Variants in SUMF1 observed in about 807,000 individuals in gnomAD.
The protein encoded by SUMF1 is sulfatase modifying factor 1.
SUMF1 carries 48 observed loss-of-function variants against 47.6 expected under a neutral mutation model. The observed-to-expected ratio is 1.01, with a 90% CI of 0.80 to 1.28. SUMF1 has a LOEUF of 1.28. SUMF1 is among the 50% of genes most tolerant of loss of function. SUMF1 has a pLI of 0.00. For missense variants in SUMF1, 571 were observed against 485.4 expected, an observed-to-expected ratio of 1.18 and a Z score of -1.66; for synonymous variants, 230 against 192.1, an observed-to-expected ratio of 1.20 and a Z score of -1.63.
At chr3:4,404,169 G>A (rs922128140) in intron 7 of SUMF1, among the ~76,000 whole-genome samples, 2 of 152,150 alleles carry the variant, frequency 1.3e-5, no homozygotes, top group African/African-American at 4.8e-5. Context: ...GAAGAACCTT[G>A]CAACTGATCC....
At chr3:4,411,428 G>A (rs1701538572) in intron 6 of SUMF1, among the ~76,000 whole-genome samples, 1 of 152,124 alleles carries the variant, frequency 6.6e-6, no homozygotes, top group Non-Finnish European at 1.5e-5. Flanking sequence ...AAGTCAGTTA[G>A]CTCTGTCCTC....
chr3:4,453,439 C>T (rs972593867), intron 1 of SUMF1, among the ~76,000 whole-genome samples: 5 of 151,936 alleles, frequency 3.3e-5, no homozygotes, highest in Admixed American at 1.3e-4. Flanking sequence ...ATGATCAGGG[C>T]TCACTACAGC....
intron 8 of SUMF1, among the ~76,000 whole-genome samples, chr3:4,109,327 A>C (rs1235196767): frequency 6.6e-6 from 1 of 152,072 alleles, no homozygotes; most frequent in Admixed American, 6.6e-5. Context: ...TTTGTGGGTA[A>C]CCCGACCTTT....
intron 8 of SUMF1, among the ~76,000 whole-genome samples, chr3:4,286,281 T>G (rs1313327358): frequency 3.3e-5 from 5 of 152,072 alleles, no homozygotes; most frequent in African/African-American, 1.2e-4. Flanking sequence ...TAGGGCAAGT[T>G]TCTTATTGTT....
intron 8 of SUMF1, among the ~76,000 whole-genome samples, chr3:4,178,375 G>C (rs1574954564): frequency 6.6e-6 from 1 of 152,328 alleles, no homozygotes; most frequent in East Asian, 1.9e-4. Flanking sequence ...TGGGATGCAA[G>C]TCTGGTTCAA....
intron 8 of SUMF1, among the ~76,000 whole-genome samples, chr3:4,196,553 A>G (rs1477333788): frequency 6.6e-6 from 1 of 152,076 alleles, no homozygotes; most frequent in Non-Finnish European, 1.5e-5. Context: ...AGGCCTCCTT[A>G]TCAGAGGCCT....
chr3:4,313,202 G>C, intron 8 of SUMF1: 2 of 1,613,914 alleles, frequency 1.2e-6, no homozygotes, highest in East Asian at 2.2e-5. Context: ...TGGGGACTTC[G>C]TACCTTGGAA....
At chr3:4,208,434 C>T (rs950790121) in intron 8 of SUMF1, among the ~76,000 whole-genome samples, 1 of 141,972 alleles carries the variant, frequency 7.0e-6, no homozygotes, top group Non-Finnish European at 1.5e-5. Flanking sequence ...TCATGTCAAC[C>T]TTTCTACAGA....
intron 8 of SUMF1, among the ~76,000 whole-genome samples, chr3:4,278,844 T>G (rs2125043776): frequency 6.6e-6 from 1 of 152,246 alleles, no homozygotes; most frequent in Non-Finnish European, 1.5e-5. Context: ...AATAAAAACT[T>G]CTAAAAATAA....
chr3:4,368,925 T>C (rs1460247304), intron 8 of SUMF1, among the ~76,000 whole-genome samples: 1 of 152,152 alleles, frequency 6.6e-6, no homozygotes, highest in African/African-American at 2.4e-5. Flanking sequence ...GTTGGCCCAG[T>C]ACAGCTCAAG....
intron 8 of SUMF1, among the ~76,000 whole-genome samples, chr3:4,162,340 C>T (rs1694598760): frequency 6.6e-6 from 1 of 152,130 alleles, no homozygotes; most frequent in African/African-American, 2.4e-5. Context: ...TTGCATGTCC[C>T]CCAGATCCAC....
intron 8 of SUMF1, among the ~76,000 whole-genome samples, chr3:4,187,757 T>C (rs989468598): frequency 2.6e-5 from 4 of 152,186 alleles, no homozygotes; most frequent in Non-Finnish European, 4.4e-5. Context: ...TTGAAACCTA[T>C]TGATTAGTAA....
intron 8 of SUMF1, among the ~76,000 whole-genome samples, chr3:4,103,918 G>C (rs1000585540): frequency 6.6e-6 from 1 of 152,102 alleles, no homozygotes; most frequent in Admixed American, 6.5e-5. Context: ...TTTTCATTTT[G>C]ATGATAACAC....
At chr3:4,059,868 G>A (rs912529296) in intron 9 of SUMF1, among the ~76,000 whole-genome samples, 19 of 151,436 alleles carry the variant, frequency 1.3e-4, no homozygotes, top group African/African-American at 4.4e-4. Context: ...GACAAGGGGT[G>A]ATGTGCTGGA....
chr3:4,166,843 G>C (rs1162515196), intron 8 of SUMF1, among the ~76,000 whole-genome samples: 2 of 152,086 alleles, frequency 1.3e-5, no homozygotes, highest in Admixed American at 6.6e-5. Flanking sequence ...AGCAGAAGCT[G>C]GTTCCAGGCA....
intron 3 of SUMF1, among the ~76,000 whole-genome samples, chr3:4,441,048 A>G (rs1355678895): frequency 2.6e-5 from 4 of 152,172 alleles, no homozygotes; most frequent in African/African-American, 9.7e-5. Context: ...ACAAACCAGT[A>G]CTGGTCTGTG....
At position 4,152,224 on chromosome 3, in the gene SUMF1, G is replaced by C. The variant is rs1458519815; in HGVS notation, c.1015-83479C>G. Among the ~76,000 whole-genome samples, 4 of 151,584 alleles carry C rather than the reference G, an allele frequency of 2.6e-5. 1 individual carries two copies. The highest frequency in any genetic ancestry group is 9.8e-5 in the African/African-American group (4 of 40,880). On this transcript the variant is annotated intron_variant and NMD_transcript_variant, in intron 8 of 12. Transcript: ENST00000448413. The stretch of plus-strand genomic sequence containing the variant: ...ATTTGCCTGGCACAAAGCAGTGAGA[G>C]ATAGGAAAGGGTTTATTCAAGAAGT...
intron 8 of SUMF1, among the ~76,000 whole-genome samples, chr3:4,110,068 G>A (rs1409735341): frequency 6.6e-6 from 1 of 151,996 alleles, no homozygotes; most frequent in Non-Finnish European, 1.5e-5. Flanking sequence ...ATCTACCTTT[G>A]GTCTTTGATG....
intron 8 of SUMF1, among the ~76,000 whole-genome samples, chr3:4,154,194 T>C (rs2125108007): frequency 6.6e-6 from 1 of 151,556 alleles, no homozygotes; most frequent in Admixed American, 6.5e-5. Flanking sequence ...GCAGAGCTAC[T>C]CCAGAAAGAA....
Sources: gnomAD v4.1 joint callset for allele counts (sites outside exome capture counted in the v4.1 genomes callset) on GRCh38, gnomAD v4.1.1 for gene constraint, MANE v1.5 for transcripts, NCBI Gene and HGNC (gene_info 2026-07-23, HGNC 2026-07-21) for gene names.